The following ARHGEF4 variants were observed in gnomAD, a reference collection of about 807,000 sequenced individuals.
The protein encoded by ARHGEF4 is Rho guanine nucleotide exchange factor 4, also known as APC-stimulated guanine nucleotide exchange factor 1.
Under a neutral mutation model 162.0 loss-of-function variants are expected in ARHGEF4, and 119 were observed. The ratio of observed to expected loss-of-function variants is 0.73; its 90% CI spans 0.63 to 0.86. ARHGEF4 has a LOEUF of 0.86. Among genes scored for constraint, ARHGEF4 ranks in the 40% least tolerant of loss-of-function variants. The pLI, the probability that ARHGEF4 is intolerant of heterozygous loss-of-function variation, is 0.00. For synonymous variants in ARHGEF4, 1,014 were observed against 979.9 expected, an observed-to-expected ratio of 1.03 and a Z score of -0.65; for missense variants, 2,488 against 2,456.0, an observed-to-expected ratio of 1.01 and a Z score of -0.28.
intron 1 of ARHGEF4, among the ~76,000 whole-genome samples, chr2:130,901,991 C>G (rs535157110): frequency 6.6e-6 from 1 of 152,236 alleles, no homozygotes; most frequent in East Asian, 1.9e-4. Flanking sequence ...CCCTGCCTTC[C>G]TTGTCTTTTC....
At chr2:130,992,517 C>G (rs947474635) in intron 4 of ARHGEF4, among the ~76,000 whole-genome samples, 1 of 151,986 alleles carries the variant, frequency 6.6e-6, no homozygotes, top group African/African-American at 2.4e-5. Flanking sequence ...TGCAGCTTCA[C>G]TCCTGAGCCA....
chr2:130,930,059 A>T (rs1384356091), intron 2 of ARHGEF4, among the ~76,000 whole-genome samples: 1 of 151,942 alleles, frequency 6.6e-6, no homozygotes, highest in Non-Finnish European at 1.5e-5. Flanking sequence ...CACCTGGCTA[A>T]GTTTTTTGTA....
At chr2:130,952,100 T>C (rs375102949) in intron 4 of ARHGEF4, among the ~76,000 whole-genome samples, 1 of 152,192 alleles carries the variant, frequency 6.6e-6, no homozygotes, top group African/African-American at 2.4e-5. Flanking sequence ...ATTACATCAT[T>C]ACCTTTTCTA....
At chr2:131,032,316 G>A (rs1689906463) in intron 5 of ARHGEF4, among the ~76,000 whole-genome samples, 1 of 152,000 alleles carries the variant, frequency 6.6e-6, no homozygotes, top group African/African-American at 2.4e-5. Context: ...GATGCTATAG[G>A]ACATGAGGCC....
chr2:131,035,143 C>G (rs901936411), intron 5 of ARHGEF4: 1 of 1,203,020 alleles, frequency 8.3e-7, no homozygotes, highest in African/African-American at 1.6e-5. Flanking sequence ...CGGGAACGCC[C>G]TGCGCGCCCT....
intron 1 of ARHGEF4, among the ~76,000 whole-genome samples, chr2:130,838,478 C>T (rs1156783882): frequency 6.6e-6 from 1 of 152,046 alleles, no homozygotes; most frequent in African/African-American, 2.4e-5. Flanking sequence ...CGGTAGTGGG[C>T]GCCTGTAATC....
At position 130,916,159 on chromosome 2, in the gene ARHGEF4, G is replaced by T; in HGVS notation, c.2213G>T (p.Arg738Leu). ...STEEPPGERL[R>L]GESRSSGSGE... Reference sequence around the variant, plus strand: ...GAGGAGCCCCCGGGAGAGAGACTGCGTGGGGAGAGCCGGAGCTCCGGGTCA... The same window carrying T: ...GAGGAGCCCCCGGGAGAGAGACTGCTTGGGGAGAGCCGGAGCTCCGGGTCA... The change falls in exon 2 of 14, where the codon CGT becomes CTT. Residue 738 changes from arginine to leucine, a missense_variant. Physicochemically the swap from Arg to Leu is moderately radical, Grantham distance 102. Transcript: ENST00000409359. 1 of 1,548,986 alleles carries T rather than the reference G, an allele frequency of 6.5e-7. No individual in the cohort carries two copies. The highest frequency in any genetic ancestry group is 1.2e-5 in the South Asian group (1 of 84,012).
intron 4 of ARHGEF4, among the ~76,000 whole-genome samples, chr2:130,992,409 G>A (rs980729104): frequency 2.6e-5 from 4 of 152,190 alleles, no homozygotes; most frequent in African/African-American, 9.7e-5. Flanking sequence ...AAGGTCTGTA[G>A]CTTCACTCCT....
At chr2:130,980,350 C>CA (rs1686038496) in intron 4 of ARHGEF4, among the ~76,000 whole-genome samples, 1 of 147,542 alleles carries the variant, frequency 6.8e-6, no homozygotes, top group Non-Finnish European at 1.5e-5. Context: ...GAGCCAAGAT[C>CA]ATGCCATCCA....
At chr2:131,027,548 C>A (rs934524816) in intron 4 of ARHGEF4, among the ~76,000 whole-genome samples, 1 of 152,238 alleles carries the variant, frequency 6.6e-6, no homozygotes, top group East Asian at 1.9e-4. Context: ...ACTATGTTTT[C>A]TTTGAATACA....
At chr2:130,991,039 C>T (rs1415938160) in intron 4 of ARHGEF4, among the ~76,000 whole-genome samples, 1 of 152,042 alleles carries the variant, frequency 6.6e-6, no homozygotes, top group Non-Finnish European at 1.5e-5. Context: ...AGCAGGTGTT[C>T]AAAAAGGAGA....
intron 1 of ARHGEF4, among the ~76,000 whole-genome samples, chr2:130,875,689 T>C (rs72855912): frequency 0.026 from 4,010 of 152,272 alleles, 108 homozygotes; most frequent in East Asian, 0.1. Context: ...AACACTGCCA[T>C]GCTGGGGATC....
intron 4 of ARHGEF4, among the ~76,000 whole-genome samples, chr2:130,975,754 A>C (rs1685659228): frequency 6.6e-6 from 1 of 152,170 alleles, no homozygotes. Context: ...CACATGACTA[A>C]AACAAATCCC....
chr2:130,887,631 G>A (rs1016793243), intron 1 of ARHGEF4, among the ~76,000 whole-genome samples: 4 of 151,896 alleles, frequency 2.6e-5, no homozygotes, highest in African/African-American at 4.8e-5. Flanking sequence ...AAATTTATTC[G>A]TTAAGGAGTT....
intron 4 of ARHGEF4, among the ~76,000 whole-genome samples, chr2:131,025,538 C>T (rs1689423527): frequency 1.3e-5 from 2 of 152,240 alleles, no homozygotes; most frequent in Non-Finnish European, 2.9e-5. Flanking sequence ...ATCCTCCCAG[C>T]TTCCATCTGT....
At chr2:131,033,034 G>C (rs1053938323) in intron 5 of ARHGEF4, among the ~76,000 whole-genome samples, 2 of 151,820 alleles carry the variant, frequency 1.3e-5, no homozygotes, top group African/African-American at 2.4e-5. Flanking sequence ...TGTATCTTTT[G>C]TAGAGATGGA....
intron 5 of ARHGEF4, among the ~76,000 whole-genome samples, chr2:131,032,958 T>G (rs1428819939): frequency 3.3e-5 from 5 of 149,464 alleles, no homozygotes; most frequent in African/African-American, 1.2e-4. Context: ...GCTCAAGTGA[T>G]CCTCCCACCT....
chr2:130,900,135 A>T (rs1680401308), intron 1 of ARHGEF4, among the ~76,000 whole-genome samples: 1 of 152,022 alleles, frequency 6.6e-6, no homozygotes. Flanking sequence ...TTGTTTTGTG[A>T]CCCAGGAGGT....
chr2:130,915,745 G>A lies in ARHGEF4; in HGVS notation c.1799G>A (p.Gly600Glu). ...GCCACGGTGTCTCACTGCGGCCCCG[G>A]GGCTGAGGAGGGTGAACAGGGGCCT... ...KAATVSHCGPGAEEGEQGPGG... is the reference protein window; with the variant it reads ...KAATVSHCGPEAEEGEQGPGG... The change falls in exon 2 of 14, where the codon GGG (glycine) becomes GAG (glutamate). Residue 600 changes from glycine (G) to glutamate (E), a missense_variant. Gly to Glu is a moderately conservative substitution (Grantham distance 98). Coordinates refer to ENST00000409359, the MANE Select transcript of ARHGEF4 (RefSeq NM_001367493.1). 1.9e-6 allele frequency: 3 copies of A among 1,542,876 alleles called. No homozygotes were observed. Among genetic ancestry groups the A allele is most frequent in the South Asian group, 1.2e-5 (1 of 83,174 alleles).
Sources: gnomAD v4.1 joint callset for allele counts (sites outside exome capture counted in the v4.1 genomes callset) on GRCh38, gnomAD v4.1.1 for gene constraint, MANE v1.5 for transcripts, NCBI Gene and HGNC (gene_info 2026-07-23, HGNC 2026-07-21) for gene names.